XIRP2: variants seen among roughly 807,000 people sequenced by gnomAD.
XIRP2 encodes the protein xin actin-binding repeat-containing protein 2.
XIRP2 carries 236 observed loss-of-function variants against 277.0 expected under a neutral mutation model. That is an observed-to-expected ratio of 0.85 (90% CI 0.77 to 0.95). XIRP2 has a LOEUF of 0.95. Among genes scored for constraint, XIRP2 ranks in the 40% least tolerant of loss-of-function variants. XIRP2 has a pLI of 0.00. For synonymous variants in XIRP2, 1,490 were observed against 1,416.5 expected (o/e 1.05, Z -1.17); for missense variants, 4,640 against 4,157.5 (o/e 1.12, Z -3.19).
intron 3 of XIRP2, among the ~76,000 whole-genome samples, chr2:167,148,099 A>T (rs1282468834): frequency 6.6e-6 from 1 of 152,116 alleles, no homozygotes. Context: ...GAAGGAAAAG[A>T]GGCTGGGCAC....
chr2:167,242,601 A>G lies in XIRP2; in HGVS notation c.1209A>G (p.Pro403=). Residue 403 remains proline, a synonymous_variant, in exon 9 of 11, where the codon CCA becomes CCG. Transcript: ENST00000409195. ...GTGAATATGAAGAGACTTTCAAGCC[A>G]TCATCAGTTGTGAGTACCTCTTCCA... ...TESEYEETFK[P]SSVVSTSSTS... The G allele has an allele frequency of 6.2e-7, 1 of 1,613,558 alleles. No individual in the cohort carries two copies. Among genetic ancestry groups the G allele is most frequent in the Non-Finnish European group, 8.5e-7 (1 of 1,179,686 alleles).
Position 167,247,510 on chromosome 2 carries a change from G to A in XIRP2, c.6118G>A (p.Glu2040Lys), listed in dbSNP as rs751983716. ...TCGTGAACAAAACAATGATGCTCTG[G>A]AGAAAAGCCTTAGAAGACTATCTAA... ...IDREQNNDALEKSLRRLSNSH... is the reference protein window; with the variant it reads ...IDREQNNDALKKSLRRLSNSH... The change falls in exon 9 of 11, where the codon GAG (glutamate) becomes AAG (lysine). Residue 2040 changes from glutamate (E) to lysine (K), a missense_variant. Transcript: ENST00000409195. 6 of 1,613,624 alleles carry A rather than the reference G, an allele frequency of 3.7e-6. No homozygotes were observed. In the African/African-American group the frequency reaches 8.0e-5, roughly 22 times the overall value.
At chr2:167,078,913 C>T (rs1689655065) in intron 2 of XIRP2, among the ~76,000 whole-genome samples, 1 of 150,980 alleles carries the variant, frequency 6.6e-6, no homozygotes, top group African/African-American at 2.4e-5. Context: ...GGAGTGGTAA[C>T]AGTAGGAATC....
chr2:167,120,073 C>T (rs998907552), intron 2 of XIRP2, among the ~76,000 whole-genome samples: 4 of 152,136 alleles, frequency 2.6e-5, no homozygotes, highest in African/African-American at 4.8e-5. Context: ...AGCCTTTAAA[C>T]GATTTTACCT....
intron 2 of XIRP2, among the ~76,000 whole-genome samples, chr2:167,131,402 A>G (rs778852103): frequency 1.3e-5 from 2 of 152,184 alleles, no homozygotes; most frequent in Non-Finnish European, 2.9e-5. Context: ...CTCTCAAGTT[A>G]CTGCTCTATT....
At chr2:167,193,681 C>A (rs1380551014) in intron 3 of XIRP2, among the ~76,000 whole-genome samples, 1 of 151,972 alleles carries the variant, frequency 6.6e-6, no homozygotes, top group South Asian at 2.1e-4. Context: ...AGTTCAACAC[C>A]AGCCTAGCTA....
chr2:167,169,902 T>C (rs1692634506), intron 3 of XIRP2, among the ~76,000 whole-genome samples: 2 of 152,160 alleles, frequency 1.3e-5, no homozygotes, highest in African/African-American at 4.8e-5. Context: ...TTTTGTCTTA[T>C]ATTTATTTTT....
At chr2:167,163,462 T>C (rs894793700) in intron 3 of XIRP2, among the ~76,000 whole-genome samples, 5 of 152,222 alleles carry the variant, frequency 3.3e-5, no homozygotes, top group Non-Finnish European at 7.3e-5. Flanking sequence ...TTTATCTCTC[T>C]TAAGAAGTGT....
At chr2:166,977,640 A>G (rs1349477564) in intron 2 of XIRP2, among the ~76,000 whole-genome samples, 2 of 152,284 alleles carry the variant, frequency 1.3e-5, no homozygotes, top group East Asian at 3.9e-4. Flanking sequence ...ACTGCAAACA[A>G]CAAAAACTGG....
rs75006649 is a variant in XIRP2 at position 166,917,014 on chromosome 2, G to C, written c.408+13124G>C. ...CTACATGAATATTCCTTCTATTTTC[G>C]TTCCTCTGTTATCTCTGTAACCCAC... On this transcript the variant is annotated intron_variant, in intron 2 of 10. Coordinates refer to ENST00000409195, the MANE Select transcript of XIRP2 (RefSeq NM_152381.6). Among the ~76,000 whole-genome samples, 10 of 152,132 alleles carry C rather than the reference G, an allele frequency of 6.6e-5. No individual in the cohort carries two copies. The East Asian group carries it at 1.7e-3, about 26-fold the overall frequency.
In XIRP2 at chr2:167,244,359, T is replaced by G; in HGVS notation, c.2967T>G (p.Tyr989Ter). Reference sequence around the variant, plus strand: ...CTCTCTTCGAGACAACACCACTGTATGCCATTCAAGATCCCCTTGGAAAAT... The same window carrying G: ...CTCTCTTCGAGACAACACCACTGTAGGCCATTCAAGATCCCCTTGGAAAAT... ...NKSLFETTPL[Y>*]AIQDPLGKYH... The change falls in exon 9 of 11, where the codon TAT becomes TAG. Residue 989 changes from tyrosine to a stop codon, truncating the protein, a stop_gained. Transcript: ENST00000409195. LOFTEE classifies it high-confidence loss of function. 1 of 1,613,658 alleles carries G rather than the reference T, an allele frequency of 6.2e-7. No individual in the cohort carries two copies. Among genetic ancestry groups the G allele is most frequent in the South Asian group, 1.1e-5 (1 of 90,980 alleles).
intron 2 of XIRP2, among the ~76,000 whole-genome samples, chr2:167,060,427 C>A (rs1053169437): frequency 6.6e-6 from 1 of 151,944 alleles, no homozygotes; most frequent in Non-Finnish European, 1.5e-5. Flanking sequence ...AACTGACAAG[C>A]CTAAAAAAAG....
chr2:167,258,535 T>C lies in XIRP2; in HGVS notation c.*718T>C, dbSNP rs766936469. ...CTATGGATCTTAATGACAACAATAA[T>C]GTGATTGTGCAGAGTGCTGAAAAGG... is the stretch of plus-strand genomic sequence containing the variant. On this transcript the variant is annotated 3_prime_UTR_variant, in exon 11 of 11. Transcript: ENST00000409195. 1 of 1,612,900 alleles carries C rather than the reference T, an allele frequency of 6.2e-7. No individual in the cohort carries two copies. The highest frequency in any genetic ancestry group is 8.5e-7 in the Non-Finnish European group (1 of 1,179,452).
intron 2 of XIRP2, among the ~76,000 whole-genome samples, chr2:167,075,821 T>G (rs1689551705): frequency 6.6e-6 from 1 of 151,864 alleles, no homozygotes; most frequent in Non-Finnish European, 1.5e-5. Context: ...TTTTTTTTTT[T>G]TTTGTATTTT....
At chr2:167,165,552 G>C (rs1037434393) in intron 3 of XIRP2, among the ~76,000 whole-genome samples, 13 of 152,210 alleles carry the variant, frequency 8.5e-5, no homozygotes, top group African/African-American at 2.9e-4. Flanking sequence ...TGGGTGTATA[G>C]TGTTCTCTCA....
intron 2 of XIRP2, among the ~76,000 whole-genome samples, chr2:167,088,391 AC>A (rs1427073111): frequency 6.6e-6 from 1 of 151,986 alleles, no homozygotes; most frequent in Non-Finnish European, 1.5e-5. Context: ...ACTGCCACTG[AC>A]CCACTTAAAG....
At chr2:167,168,658 A>G (rs561121012) in intron 3 of XIRP2, among the ~76,000 whole-genome samples, 22 of 152,286 alleles carry the variant, frequency 1.4e-4, no homozygotes, top group South Asian at 1.0e-3. Flanking sequence ...TCTGTCGCCC[A>G]GGCTGGAGGG....
At chr2:166,892,308 A>G (rs1684124187) in intron 1 of XIRP2, among the ~76,000 whole-genome samples, 1 of 152,204 alleles carries the variant, frequency 6.6e-6, no homozygotes. Flanking sequence ...AAAGGGCCTC[A>G]GAAAATGCTG....
Position 167,259,516 on chromosome 2 carries a change from A to ATTAC in XIRP2, c.*1700_*1703dup, listed in dbSNP as rs1348912487. The ATTAC allele has an allele frequency of 7.3e-6, 5 of 682,770 alleles. No homozygotes were observed. In the African/African-American group the frequency reaches 9.3e-5, roughly 13 times the overall value. The allele number at this position is 682,770 out of a possible 1,614,324, so 42.3% of individuals were successfully genotyped here. A position where few individuals can be genotyped will look rare whatever the true frequency, so the allele number is the denominator to read the frequency against. On this transcript the variant is annotated 3_prime_UTR_variant, in exon 11 of 11. Transcript: ENST00000409195. ...TCTATCTCAATGGGATATTTCTTGT[A>ATTAC]TTACACCTTGTCATTTTTTTCACAA...
Sources: gnomAD v4.1 joint callset for allele counts (sites outside exome capture counted in the v4.1 genomes callset) on GRCh38, gnomAD v4.1.1 for gene constraint, MANE v1.5 for transcripts, NCBI Gene and HGNC (gene_info 2026-07-23, HGNC 2026-07-21) for gene names.